ACBD6: variants seen among roughly 807,000 people sequenced by gnomAD.
The protein encoded by ACBD6 is acyl-CoA binding domain containing 6, also known as acyl-CoA-binding domain-containing protein 6.
ACBD6 carries 28 observed loss-of-function variants against 37.2 expected under a neutral mutation model. That is an observed-to-expected ratio of 0.75 (90% CI 0.56 to 1.03). The LOEUF (loss-of-function observed/expected upper bound fraction) is 1.03. ACBD6 is among the 50% of genes least tolerant of loss of function. The pLI is 0.00. For synonymous variants in ACBD6, 113 were observed against 126.8 expected (o/e 0.89, Z 0.73); for missense variants, 340 against 337.4 (o/e 1.01, Z -0.06).
At chr1:180,338,822 A>T (rs1292849887) in intron 6 of ACBD6, among the ~76,000 whole-genome samples, 2 of 152,218 alleles carry the variant, frequency 1.3e-5, no homozygotes, top group African/African-American at 2.4e-5. Context: ...AAGAACTCAA[A>T]CAAATTTATA....
At chr1:180,412,994 G>A (rs1647922014) in intron 5 of ACBD6, among the ~76,000 whole-genome samples, 1 of 152,124 alleles carries the variant, frequency 6.6e-6, no homozygotes, top group Admixed American at 6.6e-5. Flanking sequence ...TATTTATTGA[G>A]CAAAGAACAA....
chr1:180,449,917 A>C (rs1312472888), intron 3 of ACBD6, among the ~76,000 whole-genome samples: 1 of 149,058 alleles, frequency 6.7e-6, no homozygotes, highest in African/African-American at 2.5e-5. Flanking sequence ...AAAAAAAAAA[A>C]AACTTAAAAA....
intron 3 of ACBD6, among the ~76,000 whole-genome samples, chr1:180,436,210 G>A (rs562973677): frequency 6.6e-6 from 1 of 152,252 alleles, no homozygotes; most frequent in South Asian, 2.1e-4. Flanking sequence ...TCTAGAAATG[G>A]CTGCAAGTGG....
intron 7 of ACBD6, among the ~76,000 whole-genome samples, chr1:180,292,611 AG>A (rs1037242797): frequency 3.0e-4 from 44 of 147,996 alleles, no homozygotes; most frequent in African/African-American, 1.1e-3. Context: ...CACTTATTCT[AG>A]GTTTTTTTTT....
chr1:180,339,104 A>C (rs1651865512), intron 6 of ACBD6, among the ~76,000 whole-genome samples: 1 of 152,372 alleles, frequency 6.6e-6, no homozygotes, highest in Middle Eastern at 3.4e-3. Flanking sequence ...TAGCTCAACC[A>C]TTGTGGAAGT....
At chr1:180,403,628 T>G (rs1305340272) in intron 5 of ACBD6, among the ~76,000 whole-genome samples, 1 of 152,194 alleles carries the variant, frequency 6.6e-6, no homozygotes, top group Non-Finnish European at 1.5e-5. Flanking sequence ...TTTGTACACC[T>G]ATGTTCAGAG....
At chr1:180,398,079 C>T (rs1456724662) in intron 5 of ACBD6, among the ~76,000 whole-genome samples, 1 of 151,672 alleles carries the variant, frequency 6.6e-6, no homozygotes, top group Non-Finnish European at 1.5e-5. Context: ...ACAACAACAA[C>T]AACAACAACA....
exon 11 of ACBD6, chr1:180,274,010 G>C: frequency 1.4e-6 from 1 of 692,162 alleles, no homozygotes; most frequent in Non-Finnish European, 2.5e-6. Flanking sequence ...TCCTTGGCCT[G>C]GGTTGGCCTC....
intron 3 of ACBD6, among the ~76,000 whole-genome samples, chr1:180,437,316 G>T (rs900869717): frequency 2.6e-5 from 4 of 152,152 alleles, no homozygotes; most frequent in African/African-American, 4.8e-5. Context: ...CTGGTCAAGG[G>T]GTGGGAGGCA....
chr1:180,461,683 G>A (rs1377229944), intron 3 of ACBD6, among the ~76,000 whole-genome samples: 2 of 152,144 alleles, frequency 1.3e-5, no homozygotes, highest in African/African-American at 4.8e-5. Flanking sequence ...AAGCAAAGGA[G>A]AAATAAGATC....
rs537608017 is a variant in ACBD6, at chr1:180,454,917, T to C, written c.385-24655A>G. On this transcript the variant is annotated intron_variant, in intron 3 of 7. Transcript: ENST00000367595. ...AGAAATAGGAACACTTTTACACTGT[T>C]GGTGGGACTGTAAACTAGTTCAACC... Among the ~76,000 whole-genome samples the C allele has an allele frequency of 5.1e-4, 78 of 152,348 alleles. 1 individual carries two copies. In the East Asian group the frequency reaches 0.012, roughly 23 times the overall value.
chr1:180,287,948 G>A (rs1451742888), downstream of ACBD6, among the ~76,000 whole-genome samples: 1 of 152,096 alleles, frequency 6.6e-6, no homozygotes, highest in African/African-American at 2.4e-5. Flanking sequence ...CAGACCATGT[G>A]TACAAAATGC....
chr1:180,402,737 C>T (rs1647431142), intron 5 of ACBD6, among the ~76,000 whole-genome samples: 1 of 151,180 alleles, frequency 6.6e-6, no homozygotes, highest in Non-Finnish European at 1.5e-5. Context: ...GTCATGGCTG[C>T]AGTGAGCCGT....
rs941883791 is a variant in ACBD6, at chr1:180,341,550, A to G, written c.664-26828T>C. Among the ~76,000 whole-genome samples, 7 of 152,140 alleles carry G rather than the reference A, an allele frequency of 4.6e-5. No homozygotes were observed. The East Asian group carries it at 1.2e-3, about 25-fold the overall frequency. On this transcript the variant is annotated intron_variant, in intron 6 of 7. Transcript: ENST00000367595. The stretch of plus-strand genomic sequence containing the variant: ...TCCATCAGGATATAAATATGCTGCT[A>G]TCTCTCCAAACCTTAACCATCCCTC...
At chr1:180,353,691 C>A (rs1242093779) in intron 6 of ACBD6, among the ~76,000 whole-genome samples, 3 of 140,882 alleles carry the variant, frequency 2.1e-5, no homozygotes, top group African/African-American at 7.9e-5. Flanking sequence ...TTGTATCCTG[C>A]TGACTTACAA....
Position 180,493,267 on chromosome 1 carries a change from A to AC in ACBD6, c.288-903_288-902insG, listed in dbSNP as rs1234589221. ...TGTCTCAAAAAAAAAAAAAAAAAAA[A>AC]AAAAAAAAAAACAACAACAGCAACT... On this transcript the variant is annotated intron_variant, in intron 2 of 7. Transcript: ENST00000367595. Among the ~76,000 whole-genome samples, 206 of 110,332 alleles carry AC rather than the reference A, an allele frequency of 1.9e-3. 10 individuals are homozygous for AC. The highest frequency in any genetic ancestry group is 8.2e-3 in the African/African-American group (176 of 21,448). 72.4% of individuals were successfully genotyped at this position (110,332 alleles called of 152,430 possible). A position where few individuals can be genotyped will look rare whatever the true frequency, so the allele number is the denominator to read the frequency against.
chr1:180,347,610 T>A (rs1652237262), intron 6 of ACBD6, among the ~76,000 whole-genome samples: 1 of 152,136 alleles, frequency 6.6e-6, no homozygotes, highest in Non-Finnish European at 1.5e-5. Flanking sequence ...GCTACCTTAA[T>A]GTTCCTTCAA....
chr1:180,286,903 C>T (rs1314753728), downstream of ACBD6: 1 of 152,186 alleles, frequency 6.6e-6, no homozygotes, highest in Admixed American at 6.5e-5. Context: ...GAGGACTATA[C>T]TAAGCAAGTT....
chr1:180,345,981 C>A (rs1421705964), intron 6 of ACBD6, among the ~76,000 whole-genome samples: 1 of 152,070 alleles, frequency 6.6e-6, no homozygotes, highest in Non-Finnish European at 1.5e-5. Flanking sequence ...GCTCCCTAGC[C>A]TGTAGCAGCT....
Sources: gnomAD v4.1 joint callset for allele counts (sites outside exome capture counted in the v4.1 genomes callset) on GRCh38, gnomAD v4.1.1 for gene constraint, MANE v1.5 for transcripts, NCBI Gene and HGNC (gene_info 2026-07-23, HGNC 2026-07-21) for gene names.